The following ZBTB7C variants were observed in gnomAD, a reference collection of about 807,000 sequenced individuals.
The protein encoded by ZBTB7C is zinc finger and BTB domain containing 7C.
A neutral mutation model predicts 25.7 loss-of-function variants in ZBTB7C; 8 were observed. The ratio of observed to expected loss-of-function variants is 0.31; its 90% CI spans 0.18 to 0.56. ZBTB7C has a LOEUF of 0.56. Ranked by LOEUF, ZBTB7C falls within the 20% of genes least tolerant of loss-of-function variation. ZBTB7C has a pLI of 0.91. For missense variants in ZBTB7C, 824 were observed against 855.2 expected (o/e 0.96, Z 0.46); for synonymous variants, 394 against 369.0 (o/e 1.07, Z -0.78).
chr18:48,074,690 C>T (rs1289043703), intron 3 of ZBTB7C, among the ~76,000 whole-genome samples: 4 of 152,236 alleles, frequency 2.6e-5, no homozygotes, highest in African/African-American at 7.2e-5. Flanking sequence ...CCCCTACAAA[C>T]TCTCCAGTGA....
At chr18:48,095,476 C>A (rs1238074112) in intron 3 of ZBTB7C, among the ~76,000 whole-genome samples, 1 of 152,108 alleles carries the variant, frequency 6.6e-6, no homozygotes, top group African/African-American at 2.4e-5. Context: ...CTTTGGGAGG[C>A]CGAGGCAGGT....
intron 2 of ZBTB7C, among the ~76,000 whole-genome samples, chr18:48,239,513 T>C (rs1432582008): frequency 1.3e-5 from 2 of 152,206 alleles, no homozygotes; most frequent in South Asian, 2.1e-4. Flanking sequence ...CATCCATGAC[T>C]GACAGACCTG....
intron 2 of ZBTB7C, among the ~76,000 whole-genome samples, chr18:48,202,720 A>G (rs2042483808): frequency 2.0e-5 from 3 of 152,006 alleles, no homozygotes; most frequent in Admixed American, 6.5e-5. Flanking sequence ...AGGACATAGA[A>G]GGCCAGTGAT....
upstream of ZBTB7C, among the ~76,000 whole-genome samples, chr18:48,411,947 T>C (rs1273633392): frequency 6.6e-6 from 1 of 152,250 alleles, no homozygotes; most frequent in Non-Finnish European, 1.5e-5. Context: ...AGTGCAATGG[T>C]AAACGTTGCT....
intron 2 of ZBTB7C, among the ~76,000 whole-genome samples, chr18:48,249,201 A>G (rs1387265145): frequency 6.6e-6 from 1 of 152,262 alleles, no homozygotes; most frequent in Admixed American, 6.5e-5. Context: ...AAAGCAATTC[A>G]GCAATATAGA....
chr18:48,240,462 T>C (rs1473462398), intron 2 of ZBTB7C, among the ~76,000 whole-genome samples: 1 of 152,132 alleles, frequency 6.6e-6, no homozygotes, highest in African/African-American at 2.4e-5. Context: ...TCAGGTAACC[T>C]ATAAAAGAAA....
At chr18:48,295,841 G>A (rs1204103427) in intron 2 of ZBTB7C, among the ~76,000 whole-genome samples, 2 of 152,124 alleles carry the variant, frequency 1.3e-5, no homozygotes, top group African/African-American at 2.4e-5. Context: ...GGGGGCAGTC[G>A]CAGGCGAGTG....
chr18:48,048,790 C>A (rs901995135), intron 3 of ZBTB7C, among the ~76,000 whole-genome samples: 1 of 152,164 alleles, frequency 6.6e-6, no homozygotes, highest in African/African-American at 2.4e-5. Context: ...TTACAGGCTC[C>A]CAGGGCTCTC....
rs2041677794 is a variant in ZBTB7C at position 48,176,354 on chromosome 18, A to G, written c.-17+9580T>C. 1.3e-5 allele frequency among the ~76,000 whole-genome samples: 2 copies of G among 152,252 alleles called. 1 individual carries two copies. Among genetic ancestry groups the G allele is most frequent in the South Asian group, 4.1e-4 (2 of 4,836 alleles). ...AAGAAAGGCTGTGAAAAGGTTCCAG[A>G]TTAAAGGAGATAAAGAGACACAACT... On this transcript the variant is annotated intron_variant, in intron 3 of 4. Transcript: ENST00000590800.
chr18:48,190,788 G>T (rs2042175301), intron 2 of ZBTB7C, among the ~76,000 whole-genome samples: 2 of 152,180 alleles, frequency 1.3e-5, no homozygotes, highest in African/African-American at 4.8e-5. Context: ...GCTGTCCATG[G>T]CCTTTGTGCC....
intron 3 of ZBTB7C, among the ~76,000 whole-genome samples, chr18:48,100,816 C>T (rs2038802433): frequency 6.6e-6 from 1 of 151,782 alleles, no homozygotes; most frequent in East Asian, 1.9e-4. Context: ...AACAAGGTCG[C>T]AAATCAAGCC....
At chr18:48,158,328 G>A (rs1322988840) in intron 3 of ZBTB7C, among the ~76,000 whole-genome samples, 1 of 152,200 alleles carries the variant, frequency 6.6e-6, no homozygotes, top group Non-Finnish European at 1.5e-5. Flanking sequence ...GGCCCTCGCA[G>A]GCTACAGGAT....
chr18:48,410,492 G>T (rs866262751), upstream of ZBTB7C, among the ~76,000 whole-genome samples: 11 of 152,202 alleles, frequency 7.2e-5, no homozygotes, highest in African/African-American at 2.7e-4. Context: ...GAGTCTGTCG[G>T]GGCAGGAGAA....
At chr18:48,265,435 C>T (rs763690076) in intron 2 of ZBTB7C, among the ~76,000 whole-genome samples, 6 of 152,174 alleles carry the variant, frequency 3.9e-5, no homozygotes, top group Non-Finnish European at 8.8e-5. Flanking sequence ...TGGTTCATCT[C>T]GGATTTTCGC....
At chr18:48,042,989 A>G (rs979946151) in intron 3 of ZBTB7C, among the ~76,000 whole-genome samples, 3 of 152,240 alleles carry the variant, frequency 2.0e-5, no homozygotes, top group Non-Finnish European at 4.4e-5. Flanking sequence ...AAAGATGTTC[A>G]ATATCATGAG....
intron 3 of ZBTB7C, among the ~76,000 whole-genome samples, chr18:48,046,025 C>T (rs576410167): frequency 6.6e-6 from 1 of 152,230 alleles, no homozygotes; most frequent in South Asian, 2.1e-4. Flanking sequence ...GGACTCCCGA[C>T]GACAGCAGCC....
intron 1 of ZBTB7C, among the ~76,000 whole-genome samples, chr18:48,378,770 A>C (rs910763933): frequency 6.6e-6 from 1 of 152,232 alleles, no homozygotes; most frequent in Non-Finnish European, 1.5e-5. Context: ...TATAAAATGA[A>C]CATTCAGAGA....
intron 2 of ZBTB7C, among the ~76,000 whole-genome samples, chr18:48,325,987 T>A (rs1448144922): frequency 6.6e-6 from 1 of 152,012 alleles, no homozygotes; most frequent in Non-Finnish European, 1.5e-5. Flanking sequence ...AAGGACACGG[T>A]ATCTTGGCAA....
intron 2 of ZBTB7C, among the ~76,000 whole-genome samples, chr18:48,233,664 C>T (rs8088847): frequency 0.99 from 151,096 of 152,356 alleles, 74,929 homozygotes; most frequent in Middle Eastern, 1. Flanking sequence ...GCCAAATCGA[C>T]AGCACTTTTG....
Sources: gnomAD v4.1 joint callset for allele counts (sites outside exome capture counted in the v4.1 genomes callset) on GRCh38, gnomAD v4.1.1 for gene constraint, MANE v1.5 for transcripts, NCBI Gene and HGNC (gene_info 2026-07-23, HGNC 2026-07-21) for gene names.